The following PHF20 variants were observed in gnomAD, a reference collection of about 807,000 sequenced individuals.
The protein encoded by PHF20 is glioma-expressed antigen 2.
PHF20 carries 23 observed loss-of-function variants against 113.5 expected under a neutral mutation model. The observed-to-expected ratio is 0.20, with a 90% CI of 0.15 to 0.29. The LOEUF (loss-of-function observed/expected upper bound fraction) is 0.29. Among genes scored for constraint, PHF20 ranks in the 10% least tolerant of loss-of-function variants. PHF20 has a pLI of 1.00. For missense variants in PHF20, 943 were observed against 1,219.6 expected, an observed-to-expected ratio of 0.77 and a Z score of 3.38; for synonymous variants, 434 against 457.3, an observed-to-expected ratio of 0.95 and a Z score of 0.65.
chr20:35,825,899 T>C, intron 2 of PHF20, among the ~76,000 whole-genome samples: 1 of 152,214 alleles, frequency 6.6e-6, no homozygotes, highest in Non-Finnish European at 1.5e-5. Flanking sequence ...TGTAGCTTGA[T>C]GAACTTTTAC....
chr20:35,865,935 A>G (rs916006173), intron 6 of PHF20, among the ~76,000 whole-genome samples: 1 of 151,932 alleles, frequency 6.6e-6, no homozygotes, highest in Non-Finnish European at 1.5e-5. Flanking sequence ...TTGGCCGGGC[A>G]TGGTGGTTCA....
intron 2 of PHF20, among the ~76,000 whole-genome samples, chr20:35,821,441 A>G (rs955465339): frequency 2.0e-5 from 3 of 151,606 alleles, no homozygotes; most frequent in Admixed American, 1.3e-4. Flanking sequence ...GTCAAAAAAA[A>G]AAAAGGGGCT....
At position 35,892,998 on chromosome 20, in the gene PHF20, A is replaced by G. The variant is rs2054904531; in HGVS notation, c.1283-6372A>G. 2.6e-5 allele frequency among the ~76,000 whole-genome samples: 4 copies of G among 152,250 alleles called. No homozygotes were observed. In the South Asian group the frequency reaches 8.3e-4, roughly 32 times the overall value. On this transcript the variant is annotated intron_variant, in intron 9 of 17. Transcript: ENST00000374012. Reference sequence around the variant, plus strand: ...ATTGAAAAGAGCCTTTGGTTTGGCCAGGATCTTTGTGATAGTGGCACCTGG... The same window carrying G: ...ATTGAAAAGAGCCTTTGGTTTGGCCGGGATCTTTGTGATAGTGGCACCTGG...
intron 2 of PHF20, among the ~76,000 whole-genome samples, chr20:35,817,389 G>T (rs536128452): frequency 2.0e-5 from 3 of 151,650 alleles, no homozygotes; most frequent in African/African-American, 7.2e-5. Flanking sequence ...GTTTCACTAG[G>T]TTGGCCAGGC....
chr20:35,851,578 A>T (rs1332444954), intron 4 of PHF20, among the ~76,000 whole-genome samples: 1 of 148,254 alleles, frequency 6.7e-6, no homozygotes. Flanking sequence ...TTCCCCCCCA[A>T]CCCCCACCCC....
At chr20:35,892,129 T>A (rs2054881990) in intron 9 of PHF20, among the ~76,000 whole-genome samples, 1 of 151,618 alleles carries the variant, frequency 6.6e-6, no homozygotes, top group South Asian at 2.1e-4. Flanking sequence ...GTGATATTGG[T>A]TCACTGCAAC....
chr20:35,819,159 G>A (rs1174144881), intron 2 of PHF20, among the ~76,000 whole-genome samples: 1 of 152,066 alleles, frequency 6.6e-6, no homozygotes, highest in Non-Finnish European at 1.5e-5. Flanking sequence ...TCGAACTCCT[G>A]ACCTCAGGTG....
chr20:35,936,566 C>A (rs1156280441), intron 15 of PHF20, among the ~76,000 whole-genome samples: 2 of 152,156 alleles, frequency 1.3e-5, no homozygotes, highest in Admixed American at 1.3e-4. Context: ...GGATAAGAAT[C>A]CCTGTTCTTT....
intron 15 of PHF20, among the ~76,000 whole-genome samples, chr20:35,936,488 G>C (rs2055867168): frequency 6.6e-6 from 1 of 152,162 alleles, no homozygotes; most frequent in Non-Finnish European, 1.5e-5. Flanking sequence ...GGCATCCACA[G>C]CATTTTATGT....
intron 3 of PHF20, among the ~76,000 whole-genome samples, chr20:35,844,345 G>A (rs879280920): frequency 5.3e-5 from 8 of 150,940 alleles, no homozygotes; most frequent in Admixed American, 2.6e-4. Flanking sequence ...CTCGTGATCC[G>A]CCTGCCTCGG....
intron 2 of PHF20, among the ~76,000 whole-genome samples, chr20:35,832,684 T>C (rs556999225): frequency 1.3e-5 from 2 of 152,202 alleles, no homozygotes; most frequent in African/African-American, 2.4e-5. Flanking sequence ...GTTTGAGGAA[T>C]TGAAAGTCTA....
At chr20:35,889,828 A>G (rs1032705099) in intron 9 of PHF20, among the ~76,000 whole-genome samples, 1 of 151,958 alleles carries the variant, frequency 6.6e-6, no homozygotes, top group Non-Finnish European at 1.5e-5. Flanking sequence ...CCCAGGTTCA[A>G]GTGATTCTCT....
intron 10 of PHF20, among the ~76,000 whole-genome samples, chr20:35,909,270 C>T (rs564682979): frequency 0.014 from 92 of 6,666 alleles, no homozygotes; most frequent in South Asian, 0.043. Flanking sequence ...CTTTCAGTGG[C>T]AAAAACAGCA....
intron 6 of PHF20, among the ~76,000 whole-genome samples, chr20:35,863,618 G>C (rs17093182): frequency 0.049 from 7,393 of 152,268 alleles, 231 homozygotes; most frequent in African/African-American, 0.099. Context: ...AACTGAGTTT[G>C]CTAAAGTAGT....
In PHF20 at chr20:35,881,348, G is replaced by A. The variant is rs111635960; in HGVS notation, c.1282+9519G>A. The stretch of plus-strand genomic sequence containing the variant: ...GCTGGGATTATAGGCGTGAGCCACC[G>A]CACCCGGCCTCCCTAAGTACTTTTT... On this transcript the variant is annotated intron_variant, in intron 9 of 17. Transcript: ENST00000374012. Among the ~76,000 whole-genome samples the A allele has an allele frequency of 2.4e-3, 364 of 151,796 alleles. 3 individuals are homozygous for A. Among genetic ancestry groups the A allele is most frequent in the African/African-American group, 8.6e-3 (358 of 41,466 alleles).
At chr20:35,811,853 C>T (rs551795826) in intron 2 of PHF20, among the ~76,000 whole-genome samples, 1 of 152,248 alleles carries the variant, frequency 6.6e-6, no homozygotes, top group Non-Finnish European at 1.5e-5. Context: ...TCACTGCAAG[C>T]TCTGCCTCCC....
intron 1 of PHF20, 81 bp from the exon 2 acceptor site, chr20:35,801,410 G>T: frequency 1.5e-6 from 1 of 672,186 alleles, no homozygotes; most frequent in Non-Finnish European, 2.6e-6. Flanking sequence ...AATAATGCCT[G>T]TTTTTTTATG....
At position 35,846,954 on chromosome 20, in the gene PHF20, A is replaced by G. The variant is rs540298924; in HGVS notation, c.256-396A>G. Among the ~76,000 whole-genome samples, 9 of 152,254 alleles carry G rather than the reference A, an allele frequency of 5.9e-5. No homozygotes were observed. In the South Asian group the frequency reaches 1.9e-3, roughly 32 times the overall value. On this transcript the variant is annotated intron_variant, in intron 3 of 17. Coordinates refer to ENST00000374012, the MANE Select transcript of PHF20 (RefSeq NM_016436.5). ...ATGGTGGAAGGTCAAAAAGGGAGAC[A>G]AGTGTGAAGAGAGGGACCAAACAGA...
intron 2 of PHF20, among the ~76,000 whole-genome samples, chr20:35,816,886 G>A (rs1767148511): frequency 6.6e-6 from 1 of 151,810 alleles, no homozygotes; most frequent in Non-Finnish European, 1.5e-5. Flanking sequence ...CTGCCTCCTG[G>A]GTTCTAGCGA....
Sources: allele counts gnomAD v4.1 joint callset (sites outside exome capture counted in the v4.1 genomes callset), GRCh38; gene constraint gnomAD v4.1.1; transcripts MANE v1.5; gene names NCBI Gene and HGNC (gene_info 2026-07-23, HGNC 2026-07-21).